The following GLIS3 variants were observed in gnomAD, a reference collection of about 807,000 sequenced individuals.
The protein encoded by GLIS3 is GLIS family zinc finger 3, also known as zinc finger protein GLIS3.
In GLIS3, 53 loss-of-function variants were observed where a neutral mutation model predicts 78.6. The observed-to-expected ratio is 0.67, with a 90% CI of 0.54 to 0.85. The LOEUF is 0.85. Among genes scored for constraint, GLIS3 ranks in the 40% least tolerant of loss-of-function variants. The probability of loss-of-function intolerance (pLI) is 0.00; values close to 1 mark genes in which losing one functional copy is unlikely to be tolerated. For missense variants in GLIS3, 1,703 were observed against 1,231.1 expected (o/e 1.38, Z -5.74); for synonymous variants, 684 against 509.9 (o/e 1.34, Z -4.60).
At chr9:4,262,424 G>A (rs7023829) in intron 2 of GLIS3, among the ~76,000 whole-genome samples, 32,342 of 151,786 alleles carry the variant, frequency 0.21, 3,589 homozygotes, top group Admixed American at 0.25. Flanking sequence ...CAGCGGGATG[G>A]GGGCCCAAGA....
intron 4 of GLIS3, among the ~76,000 whole-genome samples, chr9:4,060,011 C>T (rs1461623941): frequency 2.0e-5 from 3 of 152,122 alleles, no homozygotes; most frequent in Non-Finnish European, 2.9e-5. Context: ...ACTTTTAAGG[C>T]ATGTTGAATT....
chr9:3,889,479 A>C lies in GLIS3; in HGVS notation c.2128+9212T>G, dbSNP rs78681951. ...AAAACCCATGGACTAGAAGACTACTAAAGTATTTGCTAAATCTAAAATATT... is the reference window on the plus strand; with the variant it reads ...AAAACCCATGGACTAGAAGACTACTCAAGTATTTGCTAAATCTAAAATATT... On this transcript the variant is annotated intron_variant, in intron 7 of 10. Transcript: ENST00000381971. 2.3e-3 allele frequency among the ~76,000 whole-genome samples: 345 copies of C among 152,338 alleles called. 5 individuals are homozygous for C. Among genetic ancestry groups the C allele is most frequent in the African/African-American group, 5.2e-3 (218 of 41,580 alleles).
chr9:3,934,505 G>C (rs1434575120), intron 5 of GLIS3, among the ~76,000 whole-genome samples: 3 of 151,630 alleles, frequency 2.0e-5, no homozygotes, highest in African/African-American at 7.3e-5. Context: ...CGCCTCCCGA[G>C]TTTAAGCGAT....
At chr9:3,832,519 T>C (rs955384534) in intron 9 of GLIS3, among the ~76,000 whole-genome samples, 6 of 152,160 alleles carry the variant, frequency 3.9e-5, no homozygotes, top group Admixed American at 6.5e-5. Flanking sequence ...TTTCTTCATT[T>C]ACCCTATTGG....
At chr9:4,142,618 C>T (rs1164865882) in intron 2 of GLIS3, among the ~76,000 whole-genome samples, 1 of 152,152 alleles carries the variant, frequency 6.6e-6, no homozygotes, top group African/African-American at 2.4e-5. Context: ...GAGTGGAATA[C>T]AAACCTTGAA....
intron 4 of GLIS3, among the ~76,000 whole-genome samples, chr9:4,083,765 G>C (rs1299568645): frequency 5.9e-5 from 9 of 152,176 alleles, no homozygotes; most frequent in Non-Finnish European, 8.8e-5. Context: ...AGTGCAAGGA[G>C]AGCTATAAAA....
intron 2 of GLIS3, among the ~76,000 whole-genome samples, chr9:4,151,821 C>G (rs114051293): frequency 6.6e-6 from 1 of 152,190 alleles, no homozygotes. Context: ...GTTAAACATA[C>G]TCATACCTTC....
chr9:4,058,578 A>C (rs1826340117), intron 4 of GLIS3, among the ~76,000 whole-genome samples: 1 of 152,146 alleles, frequency 6.6e-6, no homozygotes, highest in Admixed American at 6.5e-5. Flanking sequence ...TAATTCCAAA[A>C]TTGGGCCATC....
At chr9:4,057,396 G>A (rs889197715) in intron 4 of GLIS3, among the ~76,000 whole-genome samples, 1 of 152,050 alleles carries the variant, frequency 6.6e-6, no homozygotes, top group African/African-American at 2.4e-5. Flanking sequence ...CCCTAATAAA[G>A]ATATCATAAC....
At chr9:4,390,882 A>G in the GLIS3 span, among the ~76,000 whole-genome samples, 1 of 152,216 alleles carries the variant, frequency 6.6e-6, no homozygotes, top group East Asian at 1.9e-4. Context: ...CTGGAGGCAG[A>G]AACAGGAATC....
chr9:4,152,616 ACT>A (rs911954630), intron 2 of GLIS3, among the ~76,000 whole-genome samples: 4 of 152,192 alleles, frequency 2.6e-5, no homozygotes, highest in African/African-American at 7.2e-5. Context: ...CGTGGTGTTC[ACT>A]CTCTCCTTTT....
chr9:4,059,943 G>C (rs1361723449), intron 4 of GLIS3, among the ~76,000 whole-genome samples: 1 of 151,648 alleles, frequency 6.6e-6, no homozygotes, highest in Non-Finnish European at 1.5e-5. Context: ...TCATTTTTAA[G>C]GCAGGTGTGA....
intron 2 of GLIS3, among the ~76,000 whole-genome samples, chr9:4,341,490 T>C (rs1169179860): frequency 6.6e-6 from 1 of 152,246 alleles, no homozygotes; most frequent in Non-Finnish European, 1.5e-5. Flanking sequence ...AGTAGATCCT[T>C]AATGCTGCCC....
At chr9:4,032,894 C>A (rs371896937) in intron 4 of GLIS3, among the ~76,000 whole-genome samples, 3 of 151,614 alleles carry the variant, frequency 2.0e-5, no homozygotes, top group Non-Finnish European at 4.4e-5. Context: ...CGCTCTGTCG[C>A]CCAGGCTGGA....
chr9:3,853,072 TGTG>T (rs1367979671), intron 9 of GLIS3, among the ~76,000 whole-genome samples: 6 of 151,968 alleles, frequency 3.9e-5, no homozygotes, highest in Non-Finnish European at 8.8e-5. Context: ...ATTAGCCAGG[TGTG>T]GTGGTGTGTG....
chr9:4,219,971 C>A (rs1398821858), intron 2 of GLIS3, among the ~76,000 whole-genome samples: 2 of 152,110 alleles, frequency 1.3e-5, no homozygotes, highest in Admixed American at 1.3e-4. Context: ...ATGGCTGATT[C>A]CAGAGCTAAG....
chr9:4,395,713 C>T, the GLIS3 span, among the ~76,000 whole-genome samples: 1 of 151,776 alleles, frequency 6.6e-6, no homozygotes, highest in African/African-American at 2.4e-5. Context: ...TGATGTCAAG[C>T]TTTTGTTATC....
intron 2 of GLIS3, among the ~76,000 whole-genome samples, chr9:4,226,498 C>G (rs1240421796): frequency 6.6e-6 from 1 of 152,174 alleles, no homozygotes; most frequent in Non-Finnish European, 1.5e-5. Flanking sequence ...TTGGCTCAAA[C>G]TCCGCCTCAC....
intron 9 of GLIS3, among the ~76,000 whole-genome samples, chr9:3,837,809 G>C (rs932079226): frequency 6.6e-6 from 1 of 152,182 alleles, no homozygotes. Context: ...AAGCTATTCC[G>C]TATGATGCTA....
Sources: gnomAD v4.1 joint callset for allele counts (sites outside exome capture counted in the v4.1 genomes callset) on GRCh38, gnomAD v4.1.1 for gene constraint, MANE v1.5 for transcripts, NCBI Gene and HGNC (gene_info 2026-07-23, HGNC 2026-07-21) for gene names.